The following TIAM1 variants were observed in gnomAD, a reference collection of about 807,000 sequenced individuals.
The protein encoded by TIAM1 is TIAM Rac1 associated GEF 1.
TIAM1 carries 65 observed loss-of-function variants against 163.5 expected under a neutral mutation model. The ratio of observed to expected loss-of-function variants is 0.40; its 90% confidence interval spans 0.33 to 0.49. The LOEUF is 0.49. TIAM1 is among the 20% of genes least tolerant of loss of function. TIAM1 has a pLI of 0.77. For missense variants in TIAM1, 1,789 were observed against 2,044.7 expected, an observed-to-expected ratio of 0.87 and a Z score of 2.41; for synonymous variants, 833 against 810.1, an observed-to-expected ratio of 1.03 and a Z score of -0.48.
intron 1 of TIAM1, among the ~76,000 whole-genome samples, chr21:31,512,535 G>A (rs73199525): frequency 0.024 from 3,702 of 151,760 alleles, 54 homozygotes; most frequent in Non-Finnish European, 0.036. Context: ...TAACTCCAGG[G>A]ACTAAATTCT....
At chr21:31,288,734 C>A (rs1056222774) in intron 2 of TIAM1, among the ~76,000 whole-genome samples, 3 of 152,226 alleles carry the variant, frequency 2.0e-5, no homozygotes, top group Admixed American at 2.0e-4. Flanking sequence ...AAAACAAAAC[C>A]AAACCCTCTA....
chr21:31,349,239 TCAGGA>T (rs1335490228), upstream of TIAM1, among the ~76,000 whole-genome samples: 3 of 152,154 alleles, frequency 2.0e-5, no homozygotes, highest in Non-Finnish European at 4.4e-5. Context: ...GTCAACAGGG[TCAGGA>T]CTCCTTGGTA....
chr21:31,236,351 A>G (rs1445969054), intron 6 of TIAM1, among the ~76,000 whole-genome samples: 1 of 152,198 alleles, frequency 6.6e-6, no homozygotes, highest in Non-Finnish European at 1.5e-5. Context: ...AATCAAAGGT[A>G]AATATTTCTA....
At chr21:31,392,106 C>A (rs185390610) in intron 2 of TIAM1, among the ~76,000 whole-genome samples, 2 of 152,186 alleles carry the variant, frequency 1.3e-5, no homozygotes, top group Admixed American at 1.3e-4. Flanking sequence ...CTAGGATGTT[C>A]GGTAGATTAG....
chr21:31,468,632 C>T, intron 1 of TIAM1, among the ~76,000 whole-genome samples: 2 of 151,940 alleles, frequency 1.3e-5, no homozygotes, highest in Admixed American at 1.3e-4. Context: ...AAAAATTAGC[C>T]AGGCGTGGTG....
intron 23 of TIAM1, 36 bp downstream of exon 23, chr21:31,135,897 T>G: frequency 6.4e-7 from 1 of 1,574,744 alleles, no homozygotes; most frequent in East Asian, 2.2e-5. Flanking sequence ...TAAGCTAGAC[T>G]TTTCCCCCTC....
In TIAM1 at chr21:31,228,691, T is replaced by C. The variant is rs1169837480; in HGVS notation, c.1585-2741A>G. The stretch of plus-strand genomic sequence containing the variant: ...GGAAGGAATCAGATGCACTGCAGTA[T>C]ATACTGTAGGATTCTATTTATATAA... On this transcript the variant is annotated intron_variant, in intron 6 of 27. Transcript: ENST00000541036. 1.6e-4 allele frequency among the ~76,000 whole-genome samples: 24 copies of C among 152,366 alleles called. 1 individual carries two copies. In the East Asian group the frequency reaches 4.4e-3, roughly 28 times the overall value.
At chr21:31,247,216 TG>T (rs2071548322) in intron 5 of TIAM1, among the ~76,000 whole-genome samples, 1 of 151,706 alleles carries the variant, frequency 6.6e-6, no homozygotes, top group African/African-American at 2.4e-5. Context: ...GTGGCTGAGC[TG>T]GGAGGATTGT....
chr21:31,307,634 C>G (rs150897341), intron 2 of TIAM1, among the ~76,000 whole-genome samples: 258 of 152,250 alleles, frequency 1.7e-3, no homozygotes, highest in African/African-American at 5.9e-3. Context: ...TGATCAACCC[C>G]ACCAGCATTT....
intron 1 of TIAM1, among the ~76,000 whole-genome samples, chr21:31,471,098 C>T (rs1430969801): frequency 1.3e-5 from 2 of 152,210 alleles, no homozygotes; most frequent in African/African-American, 4.8e-5. Flanking sequence ...GTTCTGAAAA[C>T]CTCCGGGCTG....
chr21:31,200,741 C>A (rs1444771994), intron 12 of TIAM1, among the ~76,000 whole-genome samples: 1 of 152,226 alleles, frequency 6.6e-6, no homozygotes, highest in South Asian at 2.1e-4. Flanking sequence ...TTCTATTTTA[C>A]GCGATTGAAA....
chr21:31,314,735 T>C (rs780882679), intron 2 of TIAM1, among the ~76,000 whole-genome samples: 2 of 152,188 alleles, frequency 1.3e-5, no homozygotes, highest in Non-Finnish European at 2.9e-5. Context: ...CGGAGCTATT[T>C]GTATTTTTAA....
rs370046459 is a variant in TIAM1 at position 31,442,070 on chromosome 21, A to AATAAATAAATATATATATATAT, written c.-369+21912_-369+21913insATATATATATATATTTATTTAT. Reference sequence around the variant, plus strand: ...GACCCTATCTCAGAACAAATAAATAAATATATATATATATATAGAACAATA... The same window carrying AATAAATAAATATATATATATAT: ...GACCCTATCTCAGAACAAATAAATAAATAAATAAATATATATATATATATATATATATATATATAGAACAATA... On this transcript the variant is annotated intron_variant, in intron 2 of 28. Coordinates refer to the TIAM1 transcript ENST00000286827. Among the ~76,000 whole-genome samples, 67 of 53,234 alleles carry AATAAATAAATATATATATATAT rather than the reference A, an allele frequency of 1.3e-3. 3 individuals are homozygous for AATAAATAAATATATATATATAT. Among genetic ancestry groups the AATAAATAAATATATATATATAT allele is most frequent in the African/African-American group, 4.5e-3 (67 of 14,880 alleles). The allele number at this position is 53,234 out of a possible 152,430, so 34.9% of individuals were successfully genotyped here. A position where few individuals can be genotyped will look rare whatever the true frequency, so the allele number is the denominator to read the frequency against.
chr21:31,371,374 G>A (rs1026699336), intron 2 of TIAM1, among the ~76,000 whole-genome samples: 1 of 152,136 alleles, frequency 6.6e-6, no homozygotes, highest in Non-Finnish European at 1.5e-5. Flanking sequence ...CTCATTTTAC[G>A]ATGAGACTCA....
chr21:31,186,090 G>C lies in TIAM1; in HGVS notation c.2662+911C>G, dbSNP rs140336643. ...ATTAGCACTGTGAGCAAATCATCTAGGTTGCAAAGACTTTCCAGGGGTAGA... is the reference window on the plus strand; with the variant it reads ...ATTAGCACTGTGAGCAAATCATCTACGTTGCAAAGACTTTCCAGGGGTAGA... On this transcript the variant is annotated intron_variant, in intron 14 of 27. Transcript: ENST00000541036. Among the ~76,000 whole-genome samples the C allele has an allele frequency of 7.6e-4, 115 of 152,292 alleles. 2 individuals are homozygous for C. The East Asian group carries it at 0.02, about 27-fold the overall frequency.
chr21:31,192,900 A>C (rs1028072747), intron 13 of TIAM1, among the ~76,000 whole-genome samples: 2 of 152,130 alleles, frequency 1.3e-5, no homozygotes, highest in African/African-American at 2.4e-5. Flanking sequence ...AGGACAACGT[A>C]TGGAGTCCCA....
intron 2 of TIAM1, among the ~76,000 whole-genome samples, chr21:31,294,455 A>C (rs978131302): frequency 1.3e-5 from 2 of 152,194 alleles, no homozygotes; most frequent in African/African-American, 4.8e-5. Flanking sequence ...CAAGGGTCAA[A>C]ACAAAGAACA....
At chr21:31,538,545 G>A (rs763614558) in intron 1 of TIAM1, among the ~76,000 whole-genome samples, 1 of 152,088 alleles carries the variant, frequency 6.6e-6, no homozygotes, top group Non-Finnish European at 1.5e-5. Context: ...TGTAAAATGG[G>A]GATGATATCA....
chr21:31,475,494 A>G (rs1448299534), intron 1 of TIAM1, among the ~76,000 whole-genome samples: 1 of 152,140 alleles, frequency 6.6e-6, no homozygotes, highest in African/African-American at 2.4e-5. Flanking sequence ...AATAAATGTT[A>G]TTTTCTTCAT....
Sources: gnomAD v4.1 joint callset for allele counts (sites outside exome capture counted in the v4.1 genomes callset) on GRCh38, gnomAD v4.1.1 for gene constraint, MANE v1.5 for transcripts, NCBI Gene and HGNC (gene_info 2026-07-23, HGNC 2026-07-21) for gene names.